Variants in CSMD1 observed in about 807,000 individuals in gnomAD.
CSMD1 encodes the protein CUB and Sushi multiple domains 1.
CSMD1 carries 213 observed loss-of-function variants against 417.5 expected under a neutral mutation model. The ratio of observed to expected loss-of-function variants is 0.51; its 90% CI spans 0.46 to 0.57. CSMD1 has a LOEUF of 0.57. CSMD1 is among the 20% of genes least tolerant of loss of function. The pLI is 0.00. For missense variants in CSMD1, 6,923 were observed against 4,529.7 expected, an observed-to-expected ratio of 1.53 and a Z score of -15.17; for synonymous variants, 2,862 against 1,736.8, an observed-to-expected ratio of 1.65 and a Z score of -16.11.
chr8:4,541,095 T>C (rs1471615060), intron 2 of CSMD1, among the ~76,000 whole-genome samples: 1 of 152,210 alleles, frequency 6.6e-6, no homozygotes, highest in East Asian at 1.9e-4. Context: ...CAAAATGCTA[T>C]TGTCTGGAGA....
chr8:4,116,136 G>T (rs1367814827), intron 3 of CSMD1, among the ~76,000 whole-genome samples: 1 of 151,840 alleles, frequency 6.6e-6, no homozygotes, highest in Non-Finnish European at 1.5e-5. Context: ...GGGATTTACA[G>T]GCGCGTACCA....
At chr8:3,228,407 A>C (rs771110878) in intron 27 of CSMD1, among the ~76,000 whole-genome samples, 8 of 152,214 alleles carry the variant, frequency 5.3e-5, no homozygotes, top group Non-Finnish European at 1.2e-4. Flanking sequence ...ACTTATTTCC[A>C]ATTATATATT....
At chr8:4,744,664 A>C (rs1810834093) in intron 1 of CSMD1, among the ~76,000 whole-genome samples, 1 of 152,196 alleles carries the variant, frequency 6.6e-6, no homozygotes, top group South Asian at 2.1e-4. Flanking sequence ...GAAAATGACC[A>C]GTCTCTGGAC....
intron 3 of CSMD1, among the ~76,000 whole-genome samples, chr8:4,272,526 G>A (rs1428057222): frequency 6.6e-6 from 1 of 152,100 alleles, no homozygotes; most frequent in Non-Finnish European, 1.5e-5. Context: ...GAAACCACAT[G>A]CATAACAAGT....
intron 10 of CSMD1, among the ~76,000 whole-genome samples, chr8:3,565,898 A>G (rs13252509): frequency 0.4 from 60,408 of 151,914 alleles, 12,277 homozygotes; most frequent in Middle Eastern, 0.48. Context: ...ATAAGGCTCT[A>G]GATTTTCCTG....
intron 3 of CSMD1, among the ~76,000 whole-genome samples, chr8:4,118,940 G>A (rs537585353): frequency 4.0e-4 from 61 of 152,192 alleles, no homozygotes; most frequent in East Asian, 3.3e-3. Context: ...TTTCCTTTGG[G>A]GGGACATGGG....
At chr8:4,895,448 A>T (rs1563699095) in intron 1 of CSMD1, among the ~76,000 whole-genome samples, 1 of 152,078 alleles carries the variant, frequency 6.6e-6, no homozygotes, top group Non-Finnish European at 1.5e-5. Context: ...TGATATCAAC[A>T]TTGTTATTCT....
chr8:3,308,554 C>T (rs992379786), intron 23 of CSMD1, 51 bp from the exon 24 acceptor site: 54 of 1,464,430 alleles, frequency 3.7e-5, no homozygotes, highest in Non-Finnish European at 4.8e-5. Flanking sequence ...TGGACATCTG[C>T]CTTAAAACAG....
intron 17 of CSMD1, among the ~76,000 whole-genome samples, chr8:3,395,178 C>A (rs186137795): frequency 6.8e-4 from 103 of 152,098 alleles, no homozygotes; most frequent in Non-Finnish European, 1.3e-3. Flanking sequence ...TAAAATCATA[C>A]GTGTGGGTAT....
At chr8:4,112,636 A>G (rs769090154) in intron 3 of CSMD1, among the ~76,000 whole-genome samples, 7 of 152,200 alleles carry the variant, frequency 4.6e-5, no homozygotes, top group Non-Finnish European at 7.3e-5. Flanking sequence ...GGACCTGTCC[A>G]AAGGGGATCC....
intron 3 of CSMD1, among the ~76,000 whole-genome samples, chr8:4,217,376 A>G (rs368258606): frequency 3.3e-5 from 5 of 152,174 alleles, no homozygotes; most frequent in African/African-American, 1.2e-4. Context: ...ATATTAGGGA[A>G]CTTCATTTCA....
At chr8:4,696,457 T>C (rs1318305762) in intron 1 of CSMD1, among the ~76,000 whole-genome samples, 7 of 152,172 alleles carry the variant, frequency 4.6e-5, no homozygotes, top group Non-Finnish European at 8.8e-5. Flanking sequence ...ATTACATTTG[T>C]TTATTAAAGG....
chr8:4,642,782 G>T (rs574650106), intron 1 of CSMD1, among the ~76,000 whole-genome samples: 21 of 152,162 alleles, frequency 1.4e-4, no homozygotes, highest in Non-Finnish European at 2.1e-4. Context: ...TATGATGAGG[G>T]AATGGTTTTG....
chr8:4,281,664 T>C (rs186725171), intron 3 of CSMD1, among the ~76,000 whole-genome samples: 84 of 152,358 alleles, frequency 5.5e-4, no homozygotes, highest in African/African-American at 2.0e-3. Flanking sequence ...TATAATTCTA[T>C]ATAGTAACAT....
chr8:4,022,918 G>A (rs895688006), intron 4 of CSMD1, among the ~76,000 whole-genome samples: 4 of 152,208 alleles, frequency 2.6e-5, no homozygotes, highest in African/African-American at 9.6e-5. Flanking sequence ...AAGCAAGTGT[G>A]CAACTAAGTA....
chr8:4,819,914 T>C (rs1041649727), intron 1 of CSMD1, among the ~76,000 whole-genome samples: 1 of 152,188 alleles, frequency 6.6e-6, no homozygotes, highest in Non-Finnish European at 1.5e-5. Flanking sequence ...GGGAGAACCA[T>C]TTATGTTATC....
At chr8:3,646,283 T>C (rs910408935) in intron 7 of CSMD1, among the ~76,000 whole-genome samples, 3 of 152,288 alleles carry the variant, frequency 2.0e-5, no homozygotes, top group Admixed American at 6.5e-5. Context: ...TTTTTCTCAG[T>C]TGTAAAAGTA....
rs148190524 is a variant in CSMD1 at position 4,786,299 on chromosome 8, T to C, written c.86-148741A>G. On this transcript the variant is annotated intron_variant, in intron 1 of 69. Coordinates refer to ENST00000635120, the MANE Select transcript of CSMD1 (RefSeq NM_033225.6). ...CTTTCTTTGTTCTAGAAGTAAACAC[T>C]CCTACAACCAGGTTTATTTTAAAAA... Among the ~76,000 whole-genome samples the C allele has an allele frequency of 2.7e-3, 406 of 152,290 alleles. 3 individuals carry two copies. Among genetic ancestry groups the C allele is most frequent in the African/African-American group, 9.3e-3 (388 of 41,540 alleles).
chr8:4,891,479 A>G (rs1379909229), intron 1 of CSMD1, among the ~76,000 whole-genome samples: 3 of 152,184 alleles, frequency 2.0e-5, no homozygotes, highest in African/African-American at 7.2e-5. Context: ...TCTTAATTTG[A>G]AAGGTCTGTA....
Sources: gnomAD v4.1 joint callset for allele counts (sites outside exome capture counted in the v4.1 genomes callset) on GRCh38, gnomAD v4.1.1 for gene constraint, MANE v1.5 for transcripts, NCBI Gene and HGNC (gene_info 2026-07-23, HGNC 2026-07-21) for gene names.